Variants in DLC1 observed in about 807,000 individuals in gnomAD.
DLC1 encodes the protein DLC1 Rho GTPase activating protein.
In DLC1, 54 loss-of-function variants were observed where a neutral mutation model predicts 140.3. The ratio of observed to expected loss-of-function variants is 0.38; its 90% CI spans 0.31 to 0.48. The LOEUF (loss-of-function observed/expected upper bound fraction) is 0.48. Among genes scored for constraint, DLC1 ranks in the 20% least tolerant of loss-of-function variants. The pLI is 0.96. For missense variants in DLC1, 2,536 were observed against 1,907.0 expected, an observed-to-expected ratio of 1.33 and a Z score of -6.14; for synonymous variants, 986 against 728.1, an observed-to-expected ratio of 1.35 and a Z score of -5.70.
chr8:13,540,248 C>T (rs994618824), intron 1 of DLC1, among the ~76,000 whole-genome samples: 2 of 152,052 alleles, frequency 1.3e-5, no homozygotes, highest in Non-Finnish European at 2.9e-5. Context: ...AAGATCTGGT[C>T]AAAATTCATT....
chr8:13,420,011 G>T (rs2117340045), intron 2 of DLC1, among the ~76,000 whole-genome samples: 1 of 152,170 alleles, frequency 6.6e-6, no homozygotes, highest in Admixed American at 6.5e-5. Flanking sequence ...AGAGGTGTTT[G>T]TAGTATTCTC....
chr8:13,520,622 TA>T (rs907078466), intron 1 of DLC1, among the ~76,000 whole-genome samples: 6 of 151,266 alleles, frequency 4.0e-5, no homozygotes, highest in Non-Finnish European at 7.4e-5. Flanking sequence ...AAAGTATAAT[TA>T]AAAAAAGAAA....
chr8:13,435,380 C>T (rs571097145), intron 2 of DLC1, among the ~76,000 whole-genome samples: 1 of 152,192 alleles, frequency 6.6e-6, no homozygotes, highest in African/African-American at 2.4e-5. Flanking sequence ...ATGGCTCGAT[C>T]TCGGCTCACT....
chr8:13,525,862 C>T (rs1802906414), intron 1 of DLC1, among the ~76,000 whole-genome samples: 2 of 152,030 alleles, frequency 1.3e-5, no homozygotes, highest in Admixed American at 1.3e-4. Flanking sequence ...TTTTATGGAT[C>T]ATGTTTCTGG....
Position 13,110,818 on chromosome 8 carries a change from G to A in DLC1, c.1426C>T (p.Leu476=), listed in dbSNP as rs143782252. 9.3e-6 allele frequency: 15 copies of A among 1,613,836 alleles called. No individual in the cohort carries two copies. The highest frequency in any genetic ancestry group is 1.3e-5 in the Non-Finnish European group (15 of 1,179,970). Residue 476 remains leucine (L), a synonymous_variant, in exon 7 of 18, where the codon CTG becomes TTG. Transcript: ENST00000276297. The part of the protein sequence containing the change: ...PQYAQLYEDF[L]FPIDISLVKR... Reference sequence around the variant, plus strand: ...ACCAAGGAAATATCGATGGGGAACAGGAAATCTATGAGAAAAATAAACAGA... The same window carrying A: ...ACCAAGGAAATATCGATGGGGAACAAGAAATCTATGAGAAAAATAAACAGA...
intron 5 of DLC1, among the ~76,000 whole-genome samples, chr8:13,245,642 C>A (rs1424342476): frequency 6.6e-6 from 1 of 152,128 alleles, no homozygotes; most frequent in Non-Finnish European, 1.5e-5. Flanking sequence ...CCACTCCCAT[C>A]ATCAGAAATT....
chr8:13,237,751 T>G (rs1829356505), intron 5 of DLC1, among the ~76,000 whole-genome samples: 1 of 152,168 alleles, frequency 6.6e-6, no homozygotes, highest in South Asian at 2.1e-4. Flanking sequence ...ATTGTTCAGG[T>G]TTTCTAGTAT....
chr8:13,533,928 C>A (rs899658891), intron 1 of DLC1, among the ~76,000 whole-genome samples: 1 of 152,162 alleles, frequency 6.6e-6, no homozygotes, highest in Non-Finnish European at 1.5e-5. Context: ...CTGTAAGTTT[C>A]CTGAGGCCTC....
intron 1 of DLC1, among the ~76,000 whole-genome samples, chr8:13,597,674 C>T (rs1295249769): frequency 6.6e-6 from 1 of 151,850 alleles, no homozygotes; most frequent in Non-Finnish European, 1.5e-5. Flanking sequence ...GAGGCACTGA[C>T]CATAATAACA....
chr8:13,211,359 G>T (rs570273959), intron 5 of DLC1, among the ~76,000 whole-genome samples: 15 of 152,070 alleles, frequency 9.9e-5, no homozygotes, highest in African/African-American at 3.6e-4. Context: ...TGTACTCTGT[G>T]TGCTACTTTG....
At chr8:13,242,744 T>A (rs1829596092) in intron 5 of DLC1, among the ~76,000 whole-genome samples, 1 of 152,152 alleles carries the variant, frequency 6.6e-6, no homozygotes, top group Non-Finnish European at 1.5e-5. Flanking sequence ...TATATTTTCT[T>A]GCTTAGTGAT....
intron 2 of DLC1, among the ~76,000 whole-genome samples, chr8:13,487,402 A>G (rs1204024923): frequency 6.6e-6 from 1 of 152,174 alleles, no homozygotes; most frequent in Non-Finnish European, 1.5e-5. Flanking sequence ...ATTGACATTC[A>G]GTCTCAAAAT....
At position 13,523,581 on chromosome 8, in the gene DLC1, G is replaced by T. The variant is rs182875864; in HGVS notation, c.-125-23385C>A. Among the ~76,000 whole-genome samples, 4 of 152,298 alleles carry T rather than the reference G, an allele frequency of 2.6e-5. No individual in the cohort carries two copies. The East Asian group carries it at 7.7e-4, about 29-fold the overall frequency. On this transcript the variant is annotated intron_variant, in intron 1 of 1. Transcript: ENST00000631382. ...ATTTGCAATTTAAAGTACAAAATTA[G>T]ATGAGATTGACGAGAGGGTGTGTAA...
chr8:13,445,159 A>G (rs1019992030), intron 2 of DLC1, among the ~76,000 whole-genome samples: 1 of 152,136 alleles, frequency 6.6e-6, no homozygotes, highest in Non-Finnish European at 1.5e-5. Context: ...GAAGGGAGAG[A>G]GAAAGAGAAA....
chr8:13,322,910 G>T (rs1421753997), intron 4 of DLC1, among the ~76,000 whole-genome samples: 1 of 152,164 alleles, frequency 6.6e-6, no homozygotes, highest in Non-Finnish European at 1.5e-5. Context: ...AGGCACTGCA[G>T]ATTCCCTCTT....
At chr8:13,403,442 A>G (rs1229196467) in intron 2 of DLC1, among the ~76,000 whole-genome samples, 2 of 152,228 alleles carry the variant, frequency 1.3e-5, no homozygotes, top group South Asian at 2.1e-4. Flanking sequence ...ATTAAATCCC[A>G]GTAATCACTC....
chr8:13,272,800 G>C (rs1265333951), intron 5 of DLC1, among the ~76,000 whole-genome samples: 1 of 152,212 alleles, frequency 6.6e-6, no homozygotes, highest in African/African-American at 2.4e-5. Flanking sequence ...CGTCAACCCA[G>C]GAGGCAGAGC....
chr8:13,377,599 C>A (rs1283054589), intron 4 of DLC1, among the ~76,000 whole-genome samples: 1 of 152,104 alleles, frequency 6.6e-6, no homozygotes, highest in East Asian at 1.9e-4. Flanking sequence ...GTCAAATATT[C>A]CCTTATCTAT....
intron 2 of DLC1, among the ~76,000 whole-genome samples, chr8:13,429,267 C>T (rs981759470): frequency 6.6e-6 from 1 of 152,144 alleles, no homozygotes; most frequent in Non-Finnish European, 1.5e-5. Context: ...TATCAAATCC[C>T]TTAGATGATT....
Sources: allele counts gnomAD v4.1 joint callset (sites outside exome capture counted in the v4.1 genomes callset), GRCh38; gene constraint gnomAD v4.1.1; transcripts MANE v1.5; gene names NCBI Gene and HGNC (gene_info 2026-07-23, HGNC 2026-07-21).